Variants in DPY30 observed in about 807,000 individuals in gnomAD.
The protein encoded by DPY30 is protein dpy-30 homolog.
DPY30 carries 6 observed loss-of-function variants against 16.2 expected under a neutral mutation model. The observed-to-expected ratio is 0.37, with a 90% CI of 0.20 to 0.73. The LOEUF (loss-of-function observed/expected upper bound fraction) is 0.73, where lower values mean the gene tolerates loss of function less well. Ranked by LOEUF, DPY30 falls within the 30% of genes least tolerant of loss-of-function variation. DPY30 has a pLI of 0.51. For missense variants in DPY30, 73 were observed against 113.1 expected (o/e 0.65, Z 1.61); for synonymous variants, 39 against 38.8 (o/e 1.00, Z -0.02).
chr2:32,022,873 C>T (rs6752375), downstream of DPY30, among the ~76,000 whole-genome samples: 36,461 of 152,008 alleles, frequency 0.24, 5,426 homozygotes, highest in East Asian at 0.35. Context: ...TGGAGACACA[C>T]GACTTTAATA....
downstream of DPY30, among the ~76,000 whole-genome samples, chr2:32,022,543 A>G (rs542958735): frequency 1.3e-5 from 2 of 151,650 alleles, no homozygotes; most frequent in East Asian, 3.9e-4. Context: ...TTTTTGAGAC[A>G]GTCTCACTCT....
chr2:32,039,176 CA>C, intron 3 of DPY30, 102 bp downstream of exon 3: 1 of 1,424,302 alleles, frequency 7.0e-7, no homozygotes, highest in Middle Eastern at 1.8e-4. Context: ...TTCACGATAA[CA>C]AAGTTTTCCC....
intron 4 of DPY30, among the ~76,000 whole-genome samples, chr2:32,025,814 A>G (rs945040501): frequency 2.6e-5 from 4 of 151,066 alleles, no homozygotes; most frequent in African/African-American, 9.7e-5. Context: ...AAAAAAAACA[A>G]CACCGTACTT....
Position 32,039,720 on chromosome 2 carries a change from G to A in DPY30, c.-37+13C>T, listed in dbSNP as rs909246541. On this transcript the variant is annotated intron_variant, in intron 1 of 4. Coordinates refer to ENST00000342166, the MANE Select transcript of DPY30 (RefSeq NM_001321209.2). The stretch of plus-strand genomic sequence containing the variant: ...AGAATAAGTGAGAAAGTGGGGGAAA[G>A]GGAGCTGATTACCCGCGCCCAAGCC... 1 of 574,468 alleles carries A rather than the reference G, an allele frequency of 1.7e-6. No individual in the cohort carries two copies. The allele number at this position is 574,468 out of a possible 1,614,324, so 35.6% of individuals were successfully genotyped here.
At chr2:32,013,701 G>T (rs987332029) in intron 5 of DPY30, among the ~76,000 whole-genome samples, 9 of 152,154 alleles carry the variant, frequency 5.9e-5, no homozygotes, top group Non-Finnish European at 1.3e-4. Context: ...TCCTTATGAA[G>T]CTCAGACTTC....
chr2:32,038,483 G>A (rs532696602), intron 3 of DPY30, among the ~76,000 whole-genome samples: 87 of 151,028 alleles, frequency 5.8e-4, no homozygotes, highest in East Asian at 5.9e-4. Context: ...GCAGTGGTGC[G>A]ATCATAGCTC....
At chr2:32,032,175 T>C (rs1169187076) in intron 3 of DPY30, among the ~76,000 whole-genome samples, 3 of 152,202 alleles carry the variant, frequency 2.0e-5, no homozygotes, top group Non-Finnish European at 4.4e-5. Context: ...CTTCTGCTTA[T>C]AATTTTTCAA....
At chr2:32,023,210 A>G (rs942783615), downstream of DPY30, among the ~76,000 whole-genome samples, 1 of 152,148 alleles carries the variant, frequency 6.6e-6, no homozygotes, top group Non-Finnish European at 1.5e-5. Flanking sequence ...ATAATCACTC[A>G]TATTTGAGAA....
chr2:32,035,739 G>A (rs1675709566), intron 3 of DPY30, among the ~76,000 whole-genome samples: 2 of 151,736 alleles, frequency 1.3e-5, no homozygotes, highest in Non-Finnish European at 2.9e-5. Flanking sequence ...TTTGAGACCA[G>A]CCTGACAAAC....
downstream of DPY30, among the ~76,000 whole-genome samples, chr2:32,021,962 C>A (rs1005666836): frequency 6.6e-6 from 1 of 152,046 alleles, no homozygotes; most frequent in Non-Finnish European, 1.5e-5. Flanking sequence ...ATAATCCTAG[C>A]ACTTTGGGAG....
At chr2:32,028,830 G>A (rs934940249) in intron 4 of DPY30, among the ~76,000 whole-genome samples, 4 of 151,934 alleles carry the variant, frequency 2.6e-5, no homozygotes, top group Admixed American at 1.3e-4. Flanking sequence ...AGGCGTGGTG[G>A]CAGGTGCCTG....
At chr2:32,023,532 T>G (rs548476549), downstream of DPY30, 423 of 491,418 alleles carry the variant, frequency 8.6e-4, 1 homozygote, top group Non-Finnish European at 1.6e-3. Context: ...AGAGATCATT[T>G]AAGTAAAAAT....
chr2:32,011,889 T>C (rs1156581543), downstream of DPY30: 1 of 152,184 alleles, frequency 6.6e-6, no homozygotes, highest in Non-Finnish European at 1.5e-5. Context: ...CCTGTTTCTA[T>C]GAATTTTTTA....
chr2:32,018,407 A>G (rs1675102658), intron 5 of DPY30, among the ~76,000 whole-genome samples: 1 of 152,160 alleles, frequency 6.6e-6, no homozygotes, highest in Admixed American at 6.6e-5. Flanking sequence ...AAAATTACCA[A>G]ATTCATATAG....
intron 3 of DPY30, among the ~76,000 whole-genome samples, chr2:32,037,844 C>T (rs1003867430): frequency 5.3e-5 from 8 of 151,912 alleles, no homozygotes; most frequent in Admixed American, 2.6e-4. Flanking sequence ...TGAGCCACCA[C>T]GCCCAGCCTG....
intron 4 of DPY30, among the ~76,000 whole-genome samples, chr2:32,028,577 C>T (rs1398735389): frequency 6.6e-6 from 1 of 152,038 alleles, no homozygotes; most frequent in South Asian, 2.1e-4. Flanking sequence ...CCGAGATGGG[C>T]GGATCACAAG....
At chr2:32,028,540 C>T (rs1275044912) in intron 4 of DPY30, among the ~76,000 whole-genome samples, 2 of 152,080 alleles carry the variant, frequency 1.3e-5, no homozygotes, top group Non-Finnish European at 2.9e-5. Flanking sequence ...CAGTGGCTCA[C>T]GCCTATAATC....
intron 3 of DPY30, among the ~76,000 whole-genome samples, chr2:32,036,279 A>T (rs1675734735): frequency 6.6e-6 from 1 of 152,240 alleles, no homozygotes; most frequent in East Asian, 1.9e-4. Flanking sequence ...CCCATGGCAA[A>T]GTATTTTTTT....
At chr2:32,025,446 G>C (rs1675292912) in intron 4 of DPY30, among the ~76,000 whole-genome samples, 1 of 151,668 alleles carries the variant, frequency 6.6e-6, no homozygotes. Flanking sequence ...CTGGGCGACA[G>C]AGCAAGATTC....
Sources: allele counts gnomAD v4.1 joint callset (sites outside exome capture counted in the v4.1 genomes callset), GRCh38; gene constraint gnomAD v4.1.1; transcripts MANE v1.5; gene names NCBI Gene and HGNC (gene_info 2026-07-23, HGNC 2026-07-21).